The following ADGRV1 variants were observed in gnomAD, a reference collection of about 807,000 sequenced individuals.
ADGRV1 encodes the protein adhesion G protein-coupled receptor V1.
Under a neutral mutation model 596.2 loss-of-function variants are expected in ADGRV1, and 359 were observed. The ratio of observed to expected loss-of-function variants is 0.60; its 90% CI spans 0.55 to 0.66. ADGRV1 has a LOEUF of 0.66. Ranked by LOEUF, ADGRV1 falls within the 30% of genes least tolerant of loss-of-function variation. The pLI, the probability that ADGRV1 is intolerant of heterozygous loss-of-function variation, is 0.00. For synonymous variants in ADGRV1, 2,681 were observed against 2,679.2 expected, an observed-to-expected ratio of 1.00 and a Z score of -0.02; for missense variants, 7,274 against 7,575.6, an observed-to-expected ratio of 0.96 and a Z score of 1.48.
chr5:90,811,117 C>T lies in ADGRV1; in HGVS notation c.15857C>T (p.Thr5286Ile), dbSNP rs561588495. ...GGTATCTATGGGATTTCCAACCTAACATGGGCAGTTGAAGAAGAAGACTTT... is the reference window on the plus strand; with the variant it reads ...GGTATCTATGGGATTTCCAACCTAATATGGGCAGTTGAAGAAGAAGACTTT... ...FRGIYGISNL[T>I]WAVEEEDFEE... Residue 5286 changes from threonine to isoleucine, a missense_variant, in exon 74 of 90, where the codon ACA (threonine) becomes ATA (isoleucine). Coordinates refer to ENST00000405460, the MANE Select transcript of ADGRV1 (RefSeq NM_032119.4). 4.3e-6 allele frequency: 7 copies of T among 1,613,800 alleles called. No individual in the cohort carries two copies. In the Admixed American group the frequency reaches 5.0e-5, roughly 12 times the overall value.
intron 17 of ADGRV1, among the ~76,000 whole-genome samples, chr5:90,648,514 G>T (rs1049229816): frequency 6.6e-6 from 1 of 152,052 alleles, no homozygotes; most frequent in Non-Finnish European, 1.5e-5. Flanking sequence ...TCTAACGTTT[G>T]CATCGGGTCA....
At chr5:90,645,801 G>T (rs968082742) in intron 15 of ADGRV1, among the ~76,000 whole-genome samples, 167 bp from the exon 16 acceptor site, 1 of 151,874 alleles carries the variant, frequency 6.6e-6, no homozygotes, top group East Asian at 1.9e-4. Context: ...TTTTTGGGGG[G>T]GTCTGAGTCT....
chr5:90,774,162 C>T (rs1412970692), intron 59 of ADGRV1, 24 bp from the exon 60 acceptor site: 1 of 1,351,698 alleles, frequency 7.4e-7, no homozygotes, highest in Non-Finnish European at 1.0e-6. Flanking sequence ...CTGGAAAATG[C>T]ACTGTTTCTG....
intron 1 of ADGRV1, among the ~76,000 whole-genome samples, chr5:90,562,473 A>C (rs1754960892): frequency 6.6e-6 from 1 of 152,162 alleles, no homozygotes; most frequent in African/African-American, 2.4e-5. Flanking sequence ...GCTGAGGCAC[A>C]AGCGGCTGTG....
chr5:90,775,784 A>G (rs1158393833), intron 60 of ADGRV1, among the ~76,000 whole-genome samples: 1 of 152,082 alleles, frequency 6.6e-6, no homozygotes, highest in Non-Finnish European at 1.5e-5. Flanking sequence ...AATTCTTAAT[A>G]TCTTTCTGTC....
chr5:91,062,453 G>A (rs565261255), intron 85 of ADGRV1, among the ~76,000 whole-genome samples: 2 of 152,272 alleles, frequency 1.3e-5, no homozygotes, highest in South Asian at 4.1e-4. Context: ...TGTAGCACAG[G>A]GGTCCCCCTT....
At chr5:91,155,012 A>G (rs1796361490) in intron 89 of ADGRV1, among the ~76,000 whole-genome samples, 1 of 152,348 alleles carries the variant, frequency 6.6e-6, no homozygotes, top group Non-Finnish European at 1.5e-5. Flanking sequence ...CAGCCAAATC[A>G]TATCACTATG....
intron 50 of ADGRV1, among the ~76,000 whole-genome samples, chr5:90,739,479 T>G (rs974458731): frequency 6.6e-6 from 1 of 152,192 alleles, no homozygotes; most frequent in African/African-American, 2.4e-5. Flanking sequence ...GGATTCTGGT[T>G]GGGTTAGTTG....
At chr5:90,947,449 C>T (rs929183455) in intron 83 of ADGRV1, among the ~76,000 whole-genome samples, 4 of 151,816 alleles carry the variant, frequency 2.6e-5, no homozygotes, top group African/African-American at 7.3e-5. Flanking sequence ...TAATTAGATC[C>T]CATTTTTCAA....
rs1378891480 is a variant in ADGRV1 at position 90,632,492 on chromosome 5, A to G, written c.1840-2622A>G. 3.3e-5 allele frequency among the ~76,000 whole-genome samples: 5 copies of G among 152,230 alleles called. No individual in the cohort carries two copies. The East Asian group carries it at 9.6e-4, about 29-fold the overall frequency. ...CTAATATATAAAAAAATCTGTACCAATATCAGTATCCTCTATGTTAAACTT... is the reference window on the plus strand; with the variant it reads ...CTAATATATAAAAAAATCTGTACCAGTATCAGTATCCTCTATGTTAAACTT... On this transcript the variant is annotated intron_variant, in intron 9 of 89. Coordinates refer to ENST00000405460, the MANE Select transcript of ADGRV1 (RefSeq NM_032119.4).
chr5:90,779,297 C>A (rs1053228867), intron 64 of ADGRV1, 200 bp downstream of exon 64: 1 of 387,472 alleles, frequency 2.6e-6, no homozygotes, highest in Non-Finnish European at 4.6e-6. Context: ...TTAAATATAA[C>A]TTCCCTCTGA....
At chr5:90,577,035 A>G (rs1003888189) in intron 1 of ADGRV1, among the ~76,000 whole-genome samples, 1 of 152,144 alleles carries the variant, frequency 6.6e-6, no homozygotes, top group Non-Finnish European at 1.5e-5. Context: ...TCAGATGGGT[A>G]GATTGCAAAA....
chr5:91,071,235 G>A (rs868219879), intron 85 of ADGRV1, among the ~76,000 whole-genome samples: 1 of 152,184 alleles, frequency 6.6e-6, no homozygotes, highest in Non-Finnish European at 1.5e-5. Flanking sequence ...ACCCTGAGGG[G>A]CCAGAGAGGT....
intron 87 of ADGRV1, among the ~76,000 whole-genome samples, chr5:91,147,059 G>A (rs1313257130): frequency 6.6e-6 from 1 of 151,630 alleles, no homozygotes; most frequent in African/African-American, 2.4e-5. Flanking sequence ...ACCAGCTACT[G>A]AGCAGGCTAA....
At chr5:90,722,174 G>A (rs968290580) in intron 45 of ADGRV1, among the ~76,000 whole-genome samples, 1 of 152,058 alleles carries the variant, frequency 6.6e-6, no homozygotes, top group African/African-American at 2.4e-5. Context: ...GAAGATACAG[G>A]GAGGCAAGAT....
rs561399577 is a variant in ADGRV1 at position 90,857,083 on chromosome 5, A to G, written c.17755+1182A>G. 2.0e-5 allele frequency among the ~76,000 whole-genome samples: 3 copies of G among 152,094 alleles called. No homozygotes were observed. In the East Asian group the frequency reaches 5.8e-4, roughly 29 times the overall value. ...TTTCTTTAATGTATTTTAATTCTGAACCTAACTTCAATTCAATAGCAAGAT... is the reference window on the plus strand; with the variant it reads ...TTTCTTTAATGTATTTTAATTCTGAGCCTAACTTCAATTCAATAGCAAGAT... On this transcript the variant is annotated intron_variant, in intron 82 of 89. Transcript: ENST00000405460.
intron 83 of ADGRV1, among the ~76,000 whole-genome samples, chr5:90,875,943 T>A (rs950889234): frequency 1.3e-5 from 2 of 152,184 alleles, no homozygotes; most frequent in Non-Finnish European, 2.9e-5. Context: ...AATGGGCCAT[T>A]AAAATATGGC....
intron 84 of ADGRV1, among the ~76,000 whole-genome samples, chr5:90,973,319 A>T (rs1469276721): frequency 2.0e-5 from 3 of 152,234 alleles, no homozygotes; most frequent in Non-Finnish European, 4.4e-5. Context: ...TCCAATCAAC[A>T]GAAAAAGAGG....
In ADGRV1 at chr5:90,783,907, A is replaced by G; in HGVS notation, c.13503A>G (p.Leu4501=). ...ATGGAVLGRH[L]VSRIIIAKSD... ...GAGGAGCGGTCCTTGGGCGCCACCT[A>G]GTGAGCAGAATCATAATAGCTAAGA... The change falls in exon 67 of 90, where the codon CTA becomes CTG. Residue 4501 remains leucine, a synonymous_variant. Coordinates refer to ENST00000405460, the MANE Select transcript of ADGRV1 (RefSeq NM_032119.4). The G allele has an allele frequency of 6.2e-7, 1 of 1,612,370 alleles. No homozygotes were observed. Among genetic ancestry groups the G allele is most frequent in the Non-Finnish European group, 8.5e-7 (1 of 1,179,262 alleles).
Sources: allele counts gnomAD v4.1 joint callset (sites outside exome capture counted in the v4.1 genomes callset), GRCh38; gene constraint gnomAD v4.1.1; transcripts MANE v1.5; gene names NCBI Gene and HGNC (gene_info 2026-07-23, HGNC 2026-07-21).